Variants in ESR1 observed in about 807,000 individuals in gnomAD.
ESR1 encodes the protein estrogen receptor 1.
A neutral mutation model predicts 52.7 loss-of-function variants in ESR1; 12 were observed. That is an observed-to-expected ratio of 0.23 (90% CI 0.15 to 0.37). The LOEUF is 0.37. Ranked by LOEUF, ESR1 falls within the 10% of genes least tolerant of loss-of-function variation. ESR1 has a pLI of 1.00. For synonymous variants in ESR1, 305 were observed against 316.8 expected, an observed-to-expected ratio of 0.96 and a Z score of 0.39; for missense variants, 584 against 779.7, an observed-to-expected ratio of 0.75 and a Z score of 2.99.
intron 3 of ESR1, among the ~76,000 whole-genome samples, chr6:151,930,142 C>T (rs1030421055): frequency 3.0e-5 from 3 of 101,004 alleles, no homozygotes; most frequent in Admixed American, 2.7e-4. Flanking sequence ...TGCCACCATG[C>T]CCGGCTAATT....
rs146954752 is a variant in ESR1 at position 151,853,055 on chromosome 6, C to T, written c.643+10268C>T. On this transcript the variant is annotated intron_variant, in intron 2 of 7. Coordinates refer to ENST00000206249, the MANE Select transcript of ESR1 (RefSeq NM_000125.4). ...GGCATGGTGGTGTGCACCTGTAGTC[C>T]CAGCTACTCAGGAGGTGGAGGCAGG... 8.7e-4 allele frequency among the ~76,000 whole-genome samples: 131 copies of T among 150,384 alleles called. 1 individual carries two copies. The East Asian group carries it at 0.024, about 28-fold the overall frequency.
chr6:151,955,434 G>A (rs549071682), intron 4 of ESR1, among the ~76,000 whole-genome samples: 44 of 152,144 alleles, frequency 2.9e-4, no homozygotes, highest in Non-Finnish European at 4.1e-4. Flanking sequence ...AATACTTTCC[G>A]TAGCATATAT....
chr6:152,023,494 A>T (rs1207527704), intron 5 of ESR1, among the ~76,000 whole-genome samples: 1 of 152,184 alleles, frequency 6.6e-6, no homozygotes, highest in Non-Finnish European at 1.5e-5. Flanking sequence ...AATATCATAC[A>T]TCAGTAGGCA....
chr6:151,749,051 T>C (rs1223111794), intron 2 of ESR1, among the ~76,000 whole-genome samples: 1 of 151,840 alleles, frequency 6.6e-6, no homozygotes, highest in East Asian at 1.9e-4. Context: ...AAGGGGGACA[T>C]ATATATATAA....
chr6:151,984,344 A>G (rs899540584), intron 4 of ESR1, among the ~76,000 whole-genome samples: 1 of 152,100 alleles, frequency 6.6e-6, no homozygotes, highest in Admixed American at 6.5e-5. Flanking sequence ...AGAGACTTTC[A>G]TAAAATGGTA....
chr6:151,676,456 C>A (rs1041209327), intron 1 of ESR1, among the ~76,000 whole-genome samples: 2 of 152,214 alleles, frequency 1.3e-5, no homozygotes, highest in Non-Finnish European at 2.9e-5. Flanking sequence ...CTGGTTCCTG[C>A]AAAGGACTAA....
intron 3 of ESR1, among the ~76,000 whole-genome samples, chr6:151,891,386 C>T (rs879767221): frequency 3.9e-5 from 6 of 152,018 alleles, no homozygotes; most frequent in Non-Finnish European, 7.4e-5. Flanking sequence ...GGACTTTTTC[C>T]GTAGATAGAA....
Position 152,044,148 on chromosome 6 carries a change from T to G in ESR1, c.1236-16843T>G, listed in dbSNP as rs190483583. The stretch of plus-strand genomic sequence containing the variant: ...ATGGTTAAAGGTATTAGGTATAAAG[T>G]CACTAAACTCCTTGCCTCTCATGAG... On this transcript the variant is annotated intron_variant, in intron 5 of 7. Coordinates refer to ENST00000206249, the MANE Select transcript of ESR1 (RefSeq NM_000125.4). Among the ~76,000 whole-genome samples, 205 of 152,300 alleles carry G rather than the reference T, an allele frequency of 1.3e-3. 2 individuals carry two copies. The highest frequency in any genetic ancestry group is 4.6e-3 in the African/African-American group (193 of 41,562).
At chr6:151,814,271 G>A (rs941151111) in intron 1 of ESR1, 1 of 152,058 alleles carries the variant, frequency 6.6e-6, no homozygotes, top group Non-Finnish European at 1.5e-5. Flanking sequence ...CTTCACATTG[G>A]CGTACTTCCT....
At chr6:151,773,023 C>T (rs929880613) in intron 2 of ESR1, among the ~76,000 whole-genome samples, 3 of 152,146 alleles carry the variant, frequency 2.0e-5, no homozygotes, top group African/African-American at 7.2e-5. Flanking sequence ...GTCTTAAACC[C>T]CAGTATCCTA....
intron 2 of ESR1, among the ~76,000 whole-genome samples, chr6:151,773,843 G>A (rs1257986032): frequency 6.6e-6 from 1 of 152,214 alleles, no homozygotes; most frequent in Non-Finnish European, 1.5e-5. Context: ...GGAGGTTATA[G>A]TTGGAAAATT....
chr6:151,895,770 G>A (rs1473708274), intron 3 of ESR1, among the ~76,000 whole-genome samples: 1 of 152,100 alleles, frequency 6.6e-6, no homozygotes, highest in Non-Finnish European at 1.5e-5. Flanking sequence ...TTATCTTTTT[G>A]ATATGCTGTT....
At chr6:151,968,004 A>T (rs186342474) in intron 4 of ESR1, among the ~76,000 whole-genome samples, 142 of 152,142 alleles carry the variant, frequency 9.3e-4, no homozygotes, top group Non-Finnish European at 1.6e-3. Context: ...GTCTGTTCAT[A>T]TCCTTCGCCC....
At chr6:151,916,943 G>T (rs1464848696) in intron 3 of ESR1, among the ~76,000 whole-genome samples, 1 of 152,164 alleles carries the variant, frequency 6.6e-6, no homozygotes, top group Non-Finnish European at 1.5e-5. Context: ...GCACCCGCTT[G>T]AGGCTTTATT....
chr6:151,973,401 G>T (rs577837305), intron 4 of ESR1, among the ~76,000 whole-genome samples: 1 of 152,278 alleles, frequency 6.6e-6, no homozygotes, highest in Admixed American at 6.5e-5. Flanking sequence ...ACAACTGGAT[G>T]TTCAGTCTAC....
chr6:151,909,185 C>T (rs1445774336), intron 3 of ESR1, among the ~76,000 whole-genome samples: 3 of 152,148 alleles, frequency 2.0e-5, no homozygotes, highest in South Asian at 2.1e-4. Context: ...ACACCAAGGT[C>T]GTGGTTTCTA....
intron 1 of ESR1, among the ~76,000 whole-genome samples, chr6:151,808,616 A>G (rs1024313587): frequency 1.3e-5 from 2 of 152,186 alleles, no homozygotes; most frequent in African/African-American, 2.4e-5. Context: ...CGTCCGTGCG[A>G]GAGGCAGACC....
At chr6:151,660,255 C>T (rs1485455549) in intron 1 of ESR1, among the ~76,000 whole-genome samples, 4 of 152,274 alleles carry the variant, frequency 2.6e-5, no homozygotes, top group African/African-American at 9.6e-5. Context: ...AGTTGTGTTC[C>T]TAAACTCTTA....
At chr6:151,789,047 C>T (rs1787281595) in intron 2 of ESR1, among the ~76,000 whole-genome samples, 1 of 151,896 alleles carries the variant, frequency 6.6e-6, no homozygotes, top group Non-Finnish European at 1.5e-5. Context: ...TACAACAAAC[C>T]CCCATGACAC....
Sources: allele counts gnomAD v4.1 joint callset (sites outside exome capture counted in the v4.1 genomes callset), GRCh38; gene constraint gnomAD v4.1.1; transcripts MANE v1.5; gene names NCBI Gene and HGNC (gene_info 2026-07-23, HGNC 2026-07-21).